Variants in VPS13C observed in about 807,000 individuals in gnomAD.
VPS13C encodes vacuolar protein sorting 13 homolog C, also known as intermembrane lipid transfer protein VPS13C.
Under a neutral mutation model 456.8 loss-of-function variants are expected in VPS13C, and 358 were observed. That is an observed-to-expected ratio of 0.78 (90% confidence interval 0.72 to 0.86). The LOEUF (loss-of-function observed/expected upper bound fraction) is 0.86. VPS13C is among the 40% of genes least tolerant of loss of function. VPS13C has a pLI of 0.00. For missense variants in VPS13C, 4,818 were observed against 4,385.4 expected, an observed-to-expected ratio of 1.10 and a Z score of -2.79; for synonymous variants, 1,578 against 1,486.7, an observed-to-expected ratio of 1.06 and a Z score of -1.41.
chr15:61,986,525 A>G (rs1420751911), intron 18 of VPS13C, among the ~76,000 whole-genome samples: 1 of 152,204 alleles, frequency 6.6e-6, no homozygotes, highest in Non-Finnish European at 1.5e-5. Context: ...AGATCCCACT[A>G]TGTACATTAG....
At chr15:62,006,553 C>T (rs966582715) in intron 15 of VPS13C, among the ~76,000 whole-genome samples, 8 of 152,058 alleles carry the variant, frequency 5.3e-5, no homozygotes, top group South Asian at 4.1e-4. Flanking sequence ...TGAATAGTGC[C>T]GCAATAAACA....
At chr15:61,863,771 T>C (rs1894357460) in intron 81 of VPS13C, 2 of 333,034 alleles carry the variant, frequency 6.0e-6, no homozygotes, top group Admixed American at 4.7e-5. Flanking sequence ...TCTGGTAAAA[T>C]ACATTTTGTT....
At chr15:62,038,134 T>C (rs751873372) in intron 3 of VPS13C, among the ~76,000 whole-genome samples, 4 of 152,190 alleles carry the variant, frequency 2.6e-5, no homozygotes, top group Non-Finnish European at 5.9e-5. Context: ...GTAATTTACT[T>C]ATTTTTTAAA....
chr15:61,973,883 C>T (rs2045627397), intron 25 of VPS13C, among the ~76,000 whole-genome samples: 1 of 152,000 alleles, frequency 6.6e-6, no homozygotes, highest in South Asian at 2.1e-4. Flanking sequence ...CATGAGCTGG[C>T]TTTATCAAAT....
At chr15:61,955,469 A>G (rs959751555) in intron 37 of VPS13C, among the ~76,000 whole-genome samples, 10 of 152,160 alleles carry the variant, frequency 6.6e-5, no homozygotes, top group African/African-American at 2.4e-4. Context: ...AATACAACAC[A>G]CAGGAACCAT....
rs760396489 is a variant in VPS13C at position 61,910,181 on chromosome 15, T to C, written c.8840A>G (p.Asp2947Gly). 1.2e-5 allele frequency: 16 copies of C among 1,360,500 alleles called. 1 individual carries two copies. In the South Asian group the frequency reaches 3.9e-4, roughly 33 times the overall value. The allele number at this position is 1,360,500 out of a possible 1,614,324, so 84.3% of individuals were successfully genotyped here. Residue 2947 changes from aspartate (D) to glycine (G), a missense_variant, in exon 64 of 85, where the codon GAT (aspartate) becomes GGT (glycine). Around this residue, in one of 3 missense-constraint regions of VPS13C, gnomAD observed 4,552 missense variants for 4,130.6 expected, o/e 1.10. Transcript: ENST00000644861. ...QDNGTLLSLE[D>G]LNGGILVDVN... ...AAATAAAATATGAAAACTTACCAGA[T>C]CTTCTAAGCTCAATAAAGTGCCATT...
At chr15:61,865,985 C>T (rs1894559751) in intron 81 of VPS13C, 1 of 983,984 alleles carries the variant, frequency 1.0e-6, no homozygotes, top group African/African-American at 1.7e-5. Context: ...TTACAAAGGG[C>T]TAAAAAGATA....
At chr15:62,043,362 T>C (rs1222342326) in intron 2 of VPS13C, among the ~76,000 whole-genome samples, 8 of 152,172 alleles carry the variant, frequency 5.3e-5, no homozygotes, top group Admixed American at 6.5e-5. Context: ...TCCCAACACT[T>C]TGGGAGGCCA....
intron 16 of VPS13C, among the ~76,000 whole-genome samples, chr15:61,998,434 CA>C (rs1056598102): frequency 6.6e-6 from 1 of 151,850 alleles, no homozygotes; most frequent in African/African-American, 2.4e-5. Context: ...ATGATAATGA[CA>C]ATGAAAAAAA....
chr15:62,057,533 A>C (rs2048842283), intron 1 of VPS13C, among the ~76,000 whole-genome samples: 1 of 152,238 alleles, frequency 6.6e-6, no homozygotes, highest in African/African-American at 2.4e-5. Flanking sequence ...CAACCACAAA[A>C]ATAAAAGGCA....
chr15:61,866,015 T>C (rs957037468), intron 81 of VPS13C: 2 of 983,602 alleles, frequency 2.0e-6, no homozygotes, highest in Admixed American at 1.2e-4. Context: ...ACTCTAATAC[T>C]CTTTAATATT....
At chr15:61,930,956 T>A (rs768985994) in intron 50 of VPS13C, 134 bp downstream of exon 50, 1 of 990,078 alleles carries the variant, frequency 1.0e-6, no homozygotes, top group Non-Finnish European at 1.5e-6. Context: ...TACTTCTTAA[T>A]GCAATTCAAA....
At chr15:61,962,570 C>A (rs753187956) in intron 33 of VPS13C, 32 bp from the exon 34 acceptor site, 24 of 1,571,614 alleles carry the variant, frequency 1.5e-5, no homozygotes, top group Non-Finnish European at 2.1e-5. Context: ...GTACTCTATC[C>A]GGGAAGGTAA....
intron 8 of VPS13C, among the ~76,000 whole-genome samples, chr15:62,022,117 C>A (rs879479629): frequency 5.3e-5 from 8 of 151,912 alleles, no homozygotes; most frequent in Non-Finnish European, 8.8e-5. Flanking sequence ...ATCTCTTTGA[C>A]ATACTGACTT....
intron 18 of VPS13C, among the ~76,000 whole-genome samples, chr15:61,987,456 G>T (rs1046499307): frequency 1.3e-5 from 2 of 152,168 alleles, no homozygotes; most frequent in African/African-American, 4.8e-5. Flanking sequence ...AGCTTGTGCA[G>T]GGGAACTCCC....
intron 28 of VPS13C, among the ~76,000 whole-genome samples, chr15:61,967,835 T>A (rs1395880453): frequency 2.6e-5 from 4 of 152,020 alleles, no homozygotes; most frequent in Admixed American, 2.6e-4. Flanking sequence ...AACTCCTTTT[T>A]AACTTAAAAA....
At chr15:61,978,168 T>G (rs1414706118) in intron 23 of VPS13C, among the ~76,000 whole-genome samples, 1 of 152,102 alleles carries the variant, frequency 6.6e-6, no homozygotes, top group Non-Finnish European at 1.5e-5. Flanking sequence ...TGTAGATACA[T>G]ACTTCTCAGA....
In VPS13C at chr15:61,936,581, T is replaced by A; in HGVS notation, c.5755+16A>T. The stretch of plus-strand genomic sequence containing the variant: ...ACCAATTTTTTCTCCATAAAGTAAA[T>A]ATCATCAATTTATACCTTTGAGATG... On this transcript the variant is annotated intron_variant, in intron 48 of 84. Transcript: ENST00000644861. 1 of 1,513,084 alleles carries A rather than the reference T, an allele frequency of 6.6e-7. No homozygotes were observed. The highest frequency in any genetic ancestry group is 8.8e-7 in the Non-Finnish European group (1 of 1,132,316). The allele number at this position is 1,513,084 out of a possible 1,614,324, so 93.7% of individuals were successfully genotyped here. A position where few individuals can be genotyped will look rare whatever the true frequency, so the allele number is the denominator to read the frequency against.
At chr15:62,029,324 T>C (rs1216901132) in intron 5 of VPS13C, among the ~76,000 whole-genome samples, 2 of 152,096 alleles carry the variant, frequency 1.3e-5, no homozygotes, top group African/African-American at 4.8e-5. Context: ...ACCATTAACA[T>C]CATCAGAGCA....
Sources: allele counts gnomAD v4.1 joint callset (sites outside exome capture counted in the v4.1 genomes callset), GRCh38; gene constraint gnomAD v4.1.1; regional missense constraint gnomAD v4.1.1; transcripts MANE v1.5; gene names NCBI Gene and HGNC (gene_info 2026-07-23, HGNC 2026-07-21).